ARSH: variants seen among roughly 807,000 people sequenced by gnomAD.
The protein encoded by ARSH is arylsulfatase H.
Under a neutral mutation model 28.7 loss-of-function variants are expected in ARSH, and 32 were observed. That is an observed-to-expected ratio of 1.11 (90% confidence interval 0.84 to 1.50). ARSH has a LOEUF of 1.50. Among genes scored for constraint, ARSH ranks in the 40% most tolerant of loss-of-function variants. The pLI, the probability that ARSH is intolerant of heterozygous loss-of-function variation, is 0.00. For synonymous variants in ARSH, 176 were observed against 177.3 expected (o/e 0.99, Z 0.06); for missense variants, 440 against 452.4 (o/e 0.97, Z 0.25).
chrX:3,024,142 C>T lies in ARSH; in HGVS notation c.1023C>T (p.Asn341=), dbSNP rs370929934. ...LDGAVQLGGW[N]GIYKGGKGMG... ...GGGCTGTTCAGCTGGGTGGCTGGAA[C>T]GGGATCTACAAAGGTGATTGTGTGT... is the stretch of plus-strand genomic sequence containing the variant. The change falls in exon 6 of 9, where the codon AAC becomes AAT. Residue 341 remains asparagine, a synonymous_variant. Transcript: ENST00000381130. The T allele has an allele frequency of 3.8e-5, 45 of 1,191,910 alleles. No individual in the cohort carries two copies. The highest frequency in any genetic ancestry group is 7.1e-5 in the African/African-American group (4 of 56,128).
At chrX:3,010,683 G>A (rs987773478) in intron 2 of ARSH, among the ~76,000 whole-genome samples, 2 of 111,938 alleles carry the variant, frequency 1.8e-5, no homozygotes, top group Non-Finnish European at 3.8e-5. Context: ...CTTAGCTTAG[G>A]ATCAATACCT....
In ARSH at chrX:3,027,280, C is replaced by T. The variant is rs777041204; in HGVS notation, c.1037-33C>T. 8 of 1,204,968 alleles carry T rather than the reference C, an allele frequency of 6.6e-6. No homozygotes were observed. The East Asian group carries it at 2.1e-4, about 31-fold the overall frequency. ...CGGCCAATATGGTTGGGTTTTAACT[C>T]ATCTTTGGTTGTGTCGTAATCTTTG... On this transcript the variant is annotated intron_variant, in intron 6 of 8. Coordinates refer to ENST00000381130, the MANE Select transcript of ARSH (RefSeq NM_001011719.2).
In ARSH at chrX:3,018,572, T is replaced by C. The variant is rs778490667; in HGVS notation, c.803T>C (p.Leu268Pro). 1.4e-5 allele frequency: 17 copies of C among 1,211,242 alleles called. No individual in the cohort carries two copies. Among genetic ancestry groups the C allele is most frequent in the Non-Finnish European group, 1.8e-5 (16 of 895,012 alleles). ...CCTTTTCTCCTCTTTTTTTCCTTCC[T>C]GCACGTACATACTCCACTCATCTCC... ...REPFLLFFSF[L>P]HVHTPLISKK... is the part of the protein sequence containing the mutation. The change falls in exon 5 of 9, where the codon CTG (leucine) becomes CCG (proline). Residue 268 changes from leucine (L) to proline (P), a missense_variant. By Grantham distance (98) the Leu-to-Pro change is moderately conservative (BLOSUM62 -3). Transcript: ENST00000381130.
chrX:3,032,224 C>T (rs2089915939), intron 8 of ARSH, among the ~76,000 whole-genome samples: 1 of 110,475 alleles, frequency 9.1e-6, no homozygotes, highest in East Asian at 2.8e-4. Flanking sequence ...GCAGAGGTTG[C>T]AGTGAGCTGA....
In ARSH at chrX:3,020,544, G is replaced by C. The variant is rs1226988686; in HGVS notation, c.901+1874G>C. On this transcript the variant is annotated intron_variant, in intron 5 of 8. Coordinates refer to ENST00000381130, the MANE Select transcript of ARSH (RefSeq NM_001011719.2). ...GCGGAGCTTGCAGTGAGCCGAGATT[G>C]TGCCACTGCACTCCAGCCTGGGCGA... is the stretch of plus-strand genomic sequence containing the variant. 5.3e-3 allele frequency among the ~76,000 whole-genome samples: 487 copies of C among 91,706 alleles called. 5 individuals are homozygous for C. Among genetic ancestry groups the C allele is most frequent in the African/African-American group, 0.019 (458 of 24,180 alleles). The allele number at this position is 91,706 out of a possible 115,157, so 79.6% of individuals were successfully genotyped here.
At position 3,013,135 on chromosome X, in the gene ARSH, G is replaced by A. The variant is rs1384373228; in HGVS notation, c.303G>A (p.Lys101=). 3 of 1,209,269 alleles carry A rather than the reference G, an allele frequency of 2.5e-6. No homozygotes were observed. In the African/African-American group the frequency reaches 5.3e-5, roughly 21 times the overall value. Residue 101 remains lysine (K), a synonymous_variant, in exon 3 of 9, where the codon AAG becomes AAA. Transcript: ENST00000381130. ...GLPTNETTFA[K]LLQHRGYRTG... ...CCACCAATGAAACGACTTTTGCCAA[G>A]CTGCTGCAGCACCGTGGCTACCGCA...
chrX:3,029,762 C>G (rs2089908807), intron 8 of ARSH, among the ~76,000 whole-genome samples: 1 of 111,219 alleles, frequency 9.0e-6, no homozygotes, highest in Non-Finnish European at 1.9e-5. Flanking sequence ...AACTCCTGAC[C>G]TCAGGCGATC....
intron 1 of ARSH, among the ~76,000 whole-genome samples, chrX:3,008,449 TTTTCTTTCTTTCTTTCTTTC>T (rs554017732): frequency 0.022 from 1,639 of 75,836 alleles, 27 homozygotes; most frequent in Middle Eastern, 0.064. Flanking sequence ...CTTCTTCTTA[TTTTCTTTCTTTCTTTCTTTC>T]TTTCTTTCTT....
At position 3,033,557 on chromosome X, in the gene ARSH, T is replaced by G; in HGVS notation, c.*172T>G. ...GCTCGGTGAAATTAAAGTGGGCCCA[T>G]ATAACAGTGAACCTGGAGGGGAGCA... On this transcript the variant is annotated 3_prime_UTR_variant, in exon 9 of 9. Transcript: ENST00000381130. The G allele has an allele frequency of 2.2e-6, 1 of 463,607 alleles. No individual in the cohort carries two copies. The highest frequency in any genetic ancestry group is 3.4e-6 in the Non-Finnish European group (1 of 296,618). The allele number at this position is 463,607 out of a possible 1,213,427, so 38.2% of individuals were successfully genotyped here.
intron 2 of ARSH, among the ~76,000 whole-genome samples, 195 bp from the exon 3 acceptor site, chrX:3,012,852 A>G (rs1318993645): frequency 9.2e-6 from 1 of 108,363 alleles, no homozygotes; most frequent in Non-Finnish European, 1.9e-5. Context: ...TATTCTGGCA[A>G]CCCTAATTCC....
intron 5 of ARSH, among the ~76,000 whole-genome samples, chrX:3,020,318 G>A (rs1307888345): frequency 4.9e-5 from 5 of 102,376 alleles, no homozygotes; most frequent in Admixed American, 1.1e-4. Context: ...GGCCGAGTGC[G>A]GTGGCTCACG....
chrX:3,009,242 TG>T (rs1462330162), intron 1 of ARSH, among the ~76,000 whole-genome samples: 2 of 110,138 alleles, frequency 1.8e-5, no homozygotes, highest in Non-Finnish European at 3.8e-5. Context: ...TTTGGGAGGC[TG>T]GGGAAAGTGG....
chrX:3,032,424 A>C (rs980577277), intron 8 of ARSH, among the ~76,000 whole-genome samples: 3 of 104,293 alleles, frequency 2.9e-5, no homozygotes, highest in African/African-American at 7.1e-5. Context: ...AAAGGAAGGA[A>C]GGAAGGAAGG....
chrX:3,029,738 C>T (rs1276526453), intron 8 of ARSH, among the ~76,000 whole-genome samples: 2 of 110,274 alleles, frequency 1.8e-5, no homozygotes, highest in East Asian at 5.7e-4. Flanking sequence ...ACCATGTTGG[C>T]CAGGCTGGTC....
At chrX:3,006,841 T>C in intron 1 of ARSH, 137 bp downstream of exon 1, 1 of 458,563 alleles carries the variant, frequency 2.2e-6, no homozygotes, top group East Asian at 4.0e-5. Flanking sequence ...CAGAGGTCAC[T>C]GGGGAAAATT....
intron 1 of ARSH, 26 bp from the exon 2 acceptor site, chrX:3,010,004 C>A (rs1428849592): frequency 3.3e-6 from 4 of 1,200,706 alleles, no homozygotes; most frequent in Non-Finnish European, 4.5e-6. Context: ...AGAAACTCAC[C>A]TGCTGAATTC....
At chrX:3,009,920 G>T in intron 1 of ARSH, 110 bp from the exon 2 acceptor site, 1 of 949,518 alleles carries the variant, frequency 1.1e-6, no homozygotes, top group Non-Finnish European at 1.5e-6. Flanking sequence ...TGGATTTTAG[G>T]TTTACCAGAA....
In ARSH at chrX:3,015,118, C is replaced by T. The variant is rs142819870; in HGVS notation, c.489C>T (p.Leu163=). ...ASKTPELHRW[L]RIKLWISTVA... ...AGACACCAGAACTGCACCGCTGGCT[C>T]AGGATCAAACTGTGGATCTCCACGG... Residue 163 remains leucine (L), a synonymous_variant, in exon 4 of 9, where the codon CTC becomes CTT. Coordinates refer to ENST00000381130, the MANE Select transcript of ARSH (RefSeq NM_001011719.2). 8.3e-7 allele frequency: 1 copy of T among 1,207,854 alleles called. No individual in the cohort carries two copies. The highest frequency in any genetic ancestry group is 1.1e-6 in the Non-Finnish European group (1 of 894,214).
chrX:3,015,478 C>A, intron 4 of ARSH, 85 bp downstream of exon 4: 1 of 947,489 alleles, frequency 1.1e-6, no homozygotes, highest in Non-Finnish European at 1.4e-6. Flanking sequence ...ATAACATGGG[C>A]CTTTAAAAGT....
Sources: gnomAD v4.1 joint callset for allele counts (sites outside exome capture counted in the v4.1 genomes callset) on GRCh38, gnomAD v4.1.1 for gene constraint, MANE v1.5 for transcripts, NCBI Gene and HGNC (gene_info 2026-07-23, HGNC 2026-07-21) for gene names.